The following CFL1 variants were observed in gnomAD, a reference collection of about 807,000 sequenced individuals.
CFL1 encodes the protein cofilin 1, also known as cofilin-1.
In CFL1, 2 loss-of-function variants were observed where a neutral mutation model predicts 16.3. The ratio of observed to expected loss-of-function variants is 0.12; its 90% CI spans 0.05 to 0.39. The LOEUF is 0.39. Among genes scored for constraint, CFL1 ranks in the 10% least tolerant of loss-of-function variants. The probability of loss-of-function intolerance (pLI) is 0.99; values close to 1 mark genes in which losing one functional copy is unlikely to be tolerated. For missense variants in CFL1, 75 were observed against 212.2 expected (o/e 0.35, Z 4.02); for synonymous variants, 111 against 84.4 (o/e 1.31, Z -1.73).
chr11:65,855,566 G>A (rs1277679454), intron 3 of CFL1, 88 bp downstream of exon 3: 8 of 1,555,102 alleles, frequency 5.1e-6, no homozygotes, highest in Non-Finnish European at 7.1e-6. Flanking sequence ...GCGAAGACAA[G>A]GGGGCAGACC....
chr11:65,855,115 A>G lies in CFL1; in HGVS notation c.*221T>C, dbSNP rs1013190905. 2 of 517,600 alleles carry G rather than the reference A, an allele frequency of 3.9e-6. No individual in the cohort carries two copies. Among genetic ancestry groups the G allele is most frequent in the African/African-American group, 3.9e-5 (2 of 51,832 alleles). The allele number at this position is 517,600 out of a possible 1,614,324, so 32.1% of individuals were successfully genotyped here. A position where few individuals can be genotyped will look rare whatever the true frequency, so the allele number is the denominator to read the frequency against. ...GTCTGCTTCAGCCCAAGAGGAATCA[A>G]AAGATCAAAAGCAGTTTGGGAAGGC... On this transcript the variant is annotated 3_prime_UTR_variant, in exon 4 of 4. Transcript: ENST00000308162.
chr11:65,856,263 A>G lies in CFL1; in HGVS notation c.4-21T>C, dbSNP rs761419542. ...GAGGCCTAGGAGACATGCCACGTAT[A>G]CGTCAAGAAAAGGATTCTAGGGAAC... is the stretch of plus-strand genomic sequence containing the variant. On this transcript the variant is annotated intron_variant, in intron 1 of 3. Transcript: ENST00000308162. The G allele has an allele frequency of 2.1e-5, 33 of 1,603,670 alleles. No individual in the cohort carries two copies. In the South Asian group the frequency reaches 3.5e-4, roughly 17 times the overall value.
At position 65,858,156 on chromosome 11, in the gene CFL1, A is replaced by C. The variant is rs1050982509; in HGVS notation, c.-57T>G. On this transcript the variant is annotated 5_prime_UTR_variant, in exon 1 of 4. Transcript: ENST00000308162. ...GAGCCGCAGAAGACGAGAGCGCTGC[A>C]GCCGCTGCCGGGACCCGACTGAACG... The C allele has an allele frequency of 9.9e-6, 15 of 1,511,216 alleles. No individual in the cohort carries two copies. The highest frequency in any genetic ancestry group is 3.7e-5 in the South Asian group (3 of 80,508). 93.6% of individuals were successfully genotyped at this position (1,511,216 alleles called of 1,614,324 possible). A position where few individuals can be genotyped will look rare whatever the true frequency, so the allele number is the denominator to read the frequency against.
chr11:65,857,808 C>T (rs1374041744), intron 1 of CFL1: 2 of 231,810 alleles, frequency 8.6e-6, no homozygotes, highest in Admixed American at 5.7e-5. Context: ...CCGCGAGGGG[C>T]GCCCCAGCGC....
chr11:65,857,471 G>T, intron 1 of CFL1: 1 of 403,100 alleles, frequency 2.5e-6, no homozygotes, highest in Admixed American at 2.5e-5. Flanking sequence ...CGAACGGGCC[G>T]CGGTCTCTGC....
chr11:65,857,342 T>G, intron 1 of CFL1: 1 of 361,702 alleles, frequency 2.8e-6, no homozygotes. Flanking sequence ...AAGGCCTCGC[T>G]GGCCCAGGGC....
chr11:65,857,160 A>G (rs930623042), intron 1 of CFL1: 1 of 178,526 alleles, frequency 5.6e-6, no homozygotes, highest in African/African-American at 2.4e-5. Context: ...AATCGCCCTA[A>G]AACAACGGGT....
rs1390488748 is a variant in CFL1, at chr11:65,858,132, A to G, written c.-33T>C. 2.0e-6 allele frequency: 3 copies of G among 1,521,376 alleles called. No homozygotes were observed. The highest frequency in any genetic ancestry group is 2.9e-5 in the African/African-American group (2 of 69,786). The allele number at this position is 1,521,376 out of a possible 1,614,324, so 94.2% of individuals were successfully genotyped here. A position where few individuals can be genotyped will look rare whatever the true frequency, so the allele number is the denominator to read the frequency against. On this transcript the variant is annotated 5_prime_UTR_variant, in exon 1 of 4. Coordinates refer to ENST00000308162, the MANE Select transcript of CFL1 (RefSeq NM_005507.3). Reference sequence around the variant, plus strand: ...GAAACGAAAAGGAGAGGGCACCGAGAGCCGCAGAAGACGAGAGCGCTGCAG... The same window carrying G: ...GAAACGAAAAGGAGAGGGCACCGAGGGCCGCAGAAGACGAGAGCGCTGCAG...
At chr11:65,858,029 A>C (rs1404482159) in intron 1 of CFL1, 68 bp downstream of exon 1, 1 of 1,495,942 alleles carries the variant, frequency 6.7e-7, no homozygotes, top group African/African-American at 1.5e-5. Flanking sequence ...GTCGCTCCCC[A>C]GTCGCTTCCC....
intron 1 of CFL1, chr11:65,856,606 A>T (rs1034174895): frequency 3.9e-6 from 1 of 259,354 alleles, no homozygotes; most frequent in South Asian, 3.9e-5. Flanking sequence ...GGTGATTTAG[A>T]ACTTCGGATA....
chr11:65,857,751 C>T lies in CFL1; in HGVS notation c.3+346G>A, dbSNP rs983514379. The T allele has an allele frequency of 2.9e-5, 5 of 173,956 alleles. No individual in the cohort carries two copies. In the Admixed American group the frequency reaches 3.2e-4, roughly 11 times the overall value. The allele number at this position is 173,956 out of a possible 1,614,324, so 10.8% of individuals were successfully genotyped here. On this transcript the variant is annotated intron_variant, in intron 1 of 3. Coordinates refer to ENST00000308162, the MANE Select transcript of CFL1 (RefSeq NM_005507.3). Reference sequence around the variant, plus strand: ...GGGCCGGGTTTGGACGCCGCATGCTCCAGTCGAGAGCGCGCCCCTAAGAAG... The same window carrying T: ...GGGCCGGGTTTGGACGCCGCATGCTTCAGTCGAGAGCGCGCCCCTAAGAAG...
chr11:65,857,589 C>G (rs920713070), intron 1 of CFL1: 2 of 212,484 alleles, frequency 9.4e-6, no homozygotes, highest in African/African-American at 4.8e-5. Flanking sequence ...GCACCCGCCC[C>G]TCCCGGGCGC....
chr11:65,857,231 C>A, intron 1 of CFL1: 1 of 251,350 alleles, frequency 4.0e-6, no homozygotes, highest in South Asian at 2.8e-5. Context: ...TCGGTTTTCT[C>A]AGCCCTCGGG....
At chr11:65,856,337 T>C (rs1451682807) in intron 1 of CFL1, 95 bp from the exon 2 acceptor site, 2 of 1,247,722 alleles carry the variant, frequency 1.6e-6, no homozygotes, top group South Asian at 1.4e-5. Flanking sequence ...GAGTGGTCAC[T>C]AGTGCCCTTC....
At chr11:65,857,066 G>C (rs1375470687) in intron 1 of CFL1, 1 of 154,980 alleles carries the variant, frequency 6.5e-6, no homozygotes, top group Non-Finnish European at 1.5e-5. Flanking sequence ...GCGGGGACAG[G>C]AGATCGGCTG....
In CFL1 at chr11:65,856,111, C is replaced by T; in HGVS notation, c.135G>A (p.Lys45=). The T allele has an allele frequency of 1.2e-6, 2 of 1,614,154 alleles. No homozygotes were observed. Among genetic ancestry groups the T allele is most frequent in the South Asian group, 1.1e-5 (1 of 91,084 alleles). The change falls in exon 2 of 4, where the codon AAG becomes AAA. Residue 45 remains lysine, a synonymous_variant. Transcript: ENST00000308162. ...CCTTGCCCTCCTCCAGGATGATGTT[C>T]TTCTTGTCCTCACTCAGGCAGAAGA... ...AVLFCLSEDK[K]NIILEEGKEI...
rs1274268836 is a variant in CFL1, at chr11:65,855,087, T to G, written c.*249A>C. 8.8e-6 allele frequency: 4 copies of G among 456,648 alleles called. No homozygotes were observed. The highest frequency in any genetic ancestry group is 1.6e-5 in the Non-Finnish European group (4 of 249,190). 28.3% of individuals were successfully genotyped at this position (456,648 alleles called of 1,614,324 possible). On this transcript the variant is annotated 3_prime_UTR_variant, in exon 4 of 4. Coordinates refer to ENST00000308162, the MANE Select transcript of CFL1 (RefSeq NM_005507.3). The stretch of plus-strand genomic sequence containing the variant: ...CACAACTGGGGTGCCTGGGGGGAAC[T>G]TGGTCTGCTTCAGCCCAAGAGGAAT...
intron 1 of CFL1, chr11:65,856,522 C>T (rs960644660): frequency 1.5e-5 from 6 of 396,236 alleles, no homozygotes; most frequent in African/African-American, 4.1e-5. Context: ...AATGTGAACC[C>T]AGAATTAAAA....
Position 65,855,256 on chromosome 11 carries a change from T to C in CFL1, c.*80A>G. On this transcript the variant is annotated 3_prime_UTR_variant, in exon 4 of 4. Coordinates refer to ENST00000308162, the MANE Select transcript of CFL1 (RefSeq NM_005507.3). ...TGGGATCCCCCCAGCCCCTCCGGTCTGGCAGGAAGGGGGCAGCCTGCAACC... is the reference window on the plus strand; with the variant it reads ...TGGGATCCCCCCAGCCCCTCCGGTCCGGCAGGAAGGGGGCAGCCTGCAACC... 8.2e-7 allele frequency: 1 copy of C among 1,215,502 alleles called. No individual in the cohort carries two copies. The highest frequency in any genetic ancestry group is 1.8e-5 in the Admixed American group (1 of 56,946). 75.3% of individuals were successfully genotyped at this position (1,215,502 alleles called of 1,614,324 possible). A position where few individuals can be genotyped will look rare whatever the true frequency, so the allele number is the denominator to read the frequency against.
Sources: allele counts gnomAD v4.1 joint callset, GRCh38; gene constraint gnomAD v4.1.1; transcripts MANE v1.5; gene names NCBI Gene and HGNC (gene_info 2026-07-23, HGNC 2026-07-21).